The following AASDH variants were observed in gnomAD, a reference collection of about 807,000 sequenced individuals.
AASDH encodes the protein aminoadipate-semialdehyde dehydrogenase.
In AASDH, 81 loss-of-function variants were observed where a neutral mutation model predicts 102.3. The observed-to-expected ratio is 0.79, with a 90% CI of 0.66 to 0.95. The LOEUF is 0.95. Among genes scored for constraint, AASDH ranks in the 40% least tolerant of loss-of-function variants. The pLI, the probability that AASDH is intolerant of heterozygous loss-of-function variation, is 0.00. For synonymous variants in AASDH, 398 were observed against 454.0 expected, an observed-to-expected ratio of 0.88 and a Z score of 1.57; for missense variants, 1,203 against 1,266.2, an observed-to-expected ratio of 0.95 and a Z score of 0.76.
chr4:56,367,164 C>G (rs78814488), intron 5 of AASDH, among the ~76,000 whole-genome samples: 1 of 151,644 alleles, frequency 6.6e-6, no homozygotes, highest in Admixed American at 6.6e-5. Context: ...TTACAAGGGA[C>G]GTGAAGGAAC....
rs1291652535 is a variant in AASDH, at chr4:56,370,254, T to C, written c.861+1197A>G. 2.0e-5 allele frequency among the ~76,000 whole-genome samples: 3 copies of C among 151,724 alleles called. No individual in the cohort carries two copies. The East Asian group carries it at 5.8e-4, about 29-fold the overall frequency. On this transcript the variant is annotated intron_variant, in intron 5 of 14. Transcript: ENST00000205214. The stretch of plus-strand genomic sequence containing the variant: ...GGCGGGTGCCTGTAATCCCAGCTAC[T>C]CAGGAGACTGAGGCACAAGAATCGC...
chr4:56,338,883 G>A, intron 14 of AASDH, 92 bp from the exon 15 acceptor site: 1 of 1,263,650 alleles, frequency 7.9e-7, no homozygotes, highest in Non-Finnish European at 1.1e-6. Flanking sequence ...GCAAATCTAA[G>A]AGATATAGGC....
In AASDH at chr4:56,338,476, C is replaced by T; in HGVS notation, c.3223G>A (p.Glu1075Lys). 1 of 1,613,976 alleles carries T rather than the reference C, an allele frequency of 6.2e-7. No homozygotes were observed. Among genetic ancestry groups the T allele is most frequent in the Non-Finnish European group, 8.5e-7 (1 of 1,179,984 alleles). ...GEVFSSPVVL[E>K]SMLIIGCRDN... is the part of the protein sequence containing the mutation. ...CTACACCCAATAATGAGCATTGATT[C>T]CAGGACCACAGGAGAAGAGAAGACT... Residue 1075 changes from glutamate to lysine, a missense_variant, in exon 15 of 15, where the codon GAA (glutamate) becomes AAA (lysine). Coordinates refer to ENST00000205214, the MANE Select transcript of AASDH (RefSeq NM_181806.4).
chr4:56,371,565 T>C lies in AASDH; in HGVS notation c.747A>G (p.Ile249Met), dbSNP rs201305882. 3.7e-6 allele frequency: 6 copies of C among 1,613,296 alleles called. No individual in the cohort carries two copies. Among genetic ancestry groups the C allele is most frequent in the Middle Eastern group, 1.6e-4 (1 of 6,084 alleles). ...AGGCACCACTTGATAGAGCAAGAAA[T>C]ATTTCCACAACAGAAGGATCGAAGG... ...PLTFDPSVVE[I>M]FLALSSGASL... is the part of the protein sequence containing the mutation. Residue 249 changes from isoleucine to methionine, a missense_variant, in exon 5 of 15, where the codon ATA becomes ATG. Ile to Met is a conservative substitution (Grantham distance 10). Coordinates refer to ENST00000205214, the MANE Select transcript of AASDH (RefSeq NM_181806.4).
Position 56,353,384 on chromosome 4 carries a change from T to C in AASDH, c.1576+20A>G. On this transcript the variant is annotated intron_variant, in intron 9 of 14. Transcript: ENST00000205214. ...TAGTATTATTTGGCACTGAAACATA[T>C]CTGCTTTAAATTACTTTACCGTGGG... The C allele has an allele frequency of 6.4e-7, 1 of 1,562,482 alleles. No individual in the cohort carries two copies. The highest frequency in any genetic ancestry group is 8.7e-7 in the Non-Finnish European group (1 of 1,153,414).
intron 5 of AASDH, among the ~76,000 whole-genome samples, chr4:56,359,974 C>G (rs1049179552): frequency 6.6e-6 from 1 of 152,190 alleles, no homozygotes; most frequent in Non-Finnish European, 1.5e-5. Flanking sequence ...TGTGGAAAGT[C>G]TGTCAAGTGA....
chr4:56,359,583 G>C (rs1232513939), intron 5 of AASDH, among the ~76,000 whole-genome samples: 1 of 149,822 alleles, frequency 6.7e-6, no homozygotes, highest in Non-Finnish European at 1.5e-5. Context: ...TTTTGAGACA[G>C]AGTCTCACTC....
At position 56,360,793 on chromosome 4, in the gene AASDH, T is replaced by C. The variant is rs192848213; in HGVS notation, c.862-5370A>G. Among the ~76,000 whole-genome samples, 68 of 152,252 alleles carry C rather than the reference T, an allele frequency of 4.5e-4. No homozygotes were observed. In the East Asian group the frequency reaches 0.011, roughly 25 times the overall value. Reference sequence around the variant, plus strand: ...CAACCTGAATTTTAATTCAGAAAAATGATTTAAGATCATGGCTTGTCAAAA... The same window carrying C: ...CAACCTGAATTTTAATTCAGAAAAACGATTTAAGATCATGGCTTGTCAAAA... On this transcript the variant is annotated intron_variant, in intron 5 of 14. Coordinates refer to ENST00000205214, the MANE Select transcript of AASDH (RefSeq NM_181806.4).
intron 4 of AASDH, among the ~76,000 whole-genome samples, chr4:56,377,194 T>A (rs1474141503): frequency 6.6e-6 from 1 of 152,222 alleles, no homozygotes; most frequent in Non-Finnish European, 1.5e-5. Flanking sequence ...ACATAAAACT[T>A]AAAATGACAT....
chr4:56,350,793 A>G (rs1577977341), intron 10 of AASDH, among the ~76,000 whole-genome samples: 1 of 152,142 alleles, frequency 6.6e-6, no homozygotes, highest in African/African-American at 2.4e-5. Flanking sequence ...TATCTTAGAT[A>G]CCCTCTATTT....
In AASDH at chr4:56,345,211, G is replaced by A; in HGVS notation, c.2568C>T (p.Val856=). The change falls in exon 12 of 15, where the codon GTC becomes GTT. Residue 856 remains valine, a synonymous_variant. Transcript: ENST00000205214. ...TTGGATCCATGGTTGCCGAGCTTTT[G>A]ACAGCATCTTCAGTAGTAAACATCC... ...KYWMFTTEDA[V]KSSATMDPTT... is the part of the protein sequence containing the mutation. 1 of 1,614,020 alleles carries A rather than the reference G, an allele frequency of 6.2e-7. No homozygotes were observed. Among genetic ancestry groups the A allele is most frequent in the Non-Finnish European group, 8.5e-7 (1 of 1,179,968 alleles).
At chr4:56,345,421 A>T in intron 11 of AASDH, 131 bp from the exon 12 acceptor site, 1 of 812,350 alleles carries the variant, frequency 1.2e-6, no homozygotes, top group East Asian at 2.7e-5. Flanking sequence ...CATCTGGCTT[A>T]CATTTTAGCA....
At position 56,349,374 on chromosome 4, in the gene AASDH, T is replaced by C; in HGVS notation, c.2377A>G (p.Arg793Gly). 3 of 1,614,166 alleles carry C rather than the reference T, an allele frequency of 1.9e-6. No homozygotes were observed. The highest frequency in any genetic ancestry group is 1.7e-5 in the Admixed American group (1 of 60,018). Reference protein sequence around the residue: ...TTVYIGSHSHRMKAVDFYSGK... With the variant: ...TTVYIGSHSHGMKAVDFYSGK... ...GAGTAAAAGTCAACTGCCTTCATTC[T>C]ATGAGAATGGGAACCAATGTACACA... Residue 793 changes from arginine (R) to glycine (G), a missense_variant, in exon 11 of 15, where the codon AGA (arginine) becomes GGA (glycine). Arg to Gly is a moderately radical substitution (Grantham distance 125). Coordinates refer to ENST00000205214, the MANE Select transcript of AASDH (RefSeq NM_181806.4).
intron 13 of AASDH, 118 bp from the exon 14 acceptor site, chr4:56,343,084 G>A: frequency 2.0e-6 from 2 of 982,116 alleles, no homozygotes; most frequent in Non-Finnish European, 2.7e-6. Flanking sequence ...AAATGCTGTA[G>A]TGGTATGCAG....
At chr4:56,338,841 A>C in intron 14 of AASDH, 50 bp from the exon 15 acceptor site, 1 of 1,533,728 alleles carries the variant, frequency 6.5e-7, no homozygotes, top group African/African-American at 1.4e-5. Context: ...AATTGCTCCA[A>C]TTCTCCCTTA....
At position 56,367,477 on chromosome 4, in the gene AASDH, G is replaced by A. The variant is rs1418463066; in HGVS notation, c.861+3974C>T. Among the ~76,000 whole-genome samples, 2 of 102,426 alleles carry A rather than the reference G, an allele frequency of 2.0e-5. 1 individual carries two copies. The highest frequency in any genetic ancestry group is 7.0e-5 in the African/African-American group (2 of 28,424). The allele number at this position is 102,426 out of a possible 152,430, so 67.2% of individuals were successfully genotyped here. Reference sequence around the variant, plus strand: ...ACCTGACTTCAAACTATATGACAAGGCTACAGTAACCAAAACAGCATGGTA... The same window carrying A: ...ACCTGACTTCAAACTATATGACAAGACTACAGTAACCAAAACAGCATGGTA... On this transcript the variant is annotated intron_variant, in intron 5 of 14. Transcript: ENST00000205214.
intron 4 of AASDH, among the ~76,000 whole-genome samples, chr4:56,372,303 G>T (rs1751819854): frequency 6.6e-6 from 1 of 152,158 alleles, no homozygotes; most frequent in Admixed American, 6.5e-5. Flanking sequence ...CTTTAGACTT[G>T]CTTAGCCAGG....
chr4:56,378,194 C>A lies in AASDH; in HGVS notation c.622G>T (p.Val208Phe), dbSNP rs1752568441. 2 of 1,613,114 alleles carry A rather than the reference C, an allele frequency of 1.2e-6. No homozygotes were observed. Among genetic ancestry groups the A allele is most frequent in the Non-Finnish European group, 1.7e-6 (2 of 1,179,734 alleles). Residue 208 changes from valine to phenylalanine, a missense_variant, in exon 4 of 15, where the codon GTC becomes TTC. Transcript: ENST00000205214. ...TSGTTGIPKIVRVPHKCIVPN... is the reference protein window; with the variant it reads ...TSGTTGIPKIFRVPHKCIVPN... ...ACTATACACTTATGAGGCACTCTGA[C>A]AATCTTCGGTATCCCTGTAGTCCCT...
chr4:56,378,611 G>A (rs1271610412), intron 3 of AASDH, 147 bp from the exon 4 acceptor site: 4 of 700,024 alleles, frequency 5.7e-6, no homozygotes, highest in African/African-American at 5.4e-5. Context: ...ATCTGAAGAT[G>A]CTCAAGTCCC....
Sources: allele counts gnomAD v4.1 joint callset (sites outside exome capture counted in the v4.1 genomes callset), GRCh38; gene constraint gnomAD v4.1.1; transcripts MANE v1.5; gene names NCBI Gene and HGNC (gene_info 2026-07-23, HGNC 2026-07-21).